RYR2: variants seen among roughly 807,000 people sequenced by gnomAD.
RYR2 encodes cardiac muscle ryanodine receptor-calcium release channel.
RYR2 carries 227 observed loss-of-function variants against 601.1 expected under a neutral mutation model. That is an observed-to-expected ratio of 0.38 (90% CI 0.34 to 0.42). The LOEUF (loss-of-function observed/expected upper bound fraction) is 0.42. Ranked by LOEUF, RYR2 falls within the 10% of genes least tolerant of loss-of-function variation. The pLI is 1.00. For synonymous variants in RYR2, 2,223 were observed against 2,175.1 expected (o/e 1.02, Z -0.61); for missense variants, 4,646 against 6,156.5 (o/e 0.75, Z 8.21).
intron 25 of RYR2, among the ~76,000 whole-genome samples, chr1:237,536,885 C>CAAAAAAAAAAAAAAAAA (rs540538447): frequency 7.2e-6 from 1 of 139,522 alleles, no homozygotes; most frequent in African/African-American, 2.7e-5. Flanking sequence ...GACTCCATCT[C>CAAAAAAAAAAAAAAAAA]AAAAAAAAAA....
rs3766872 is a variant in RYR2 at position 237,627,753 on chromosome 1, C to A, written c.6167-54C>A. Reference sequence around the variant, plus strand: ...CAGGATATGGACTTGAAATGTCCAACTGATTTGTCTTCTCTTATTTTTCTT... The same window carrying A: ...CAGGATATGGACTTGAAATGTCCAAATGATTTGTCTTCTCTTATTTTTCTT... On this transcript the variant is annotated intron_variant, in intron 40 of 104. Transcript: ENST00000366574. 2.0e-4 allele frequency: 295 copies of A among 1,491,142 alleles called. 2 individuals are homozygous for A. The East Asian group carries it at 6.8e-3, about 34-fold the overall frequency. The allele number at this position is 1,491,142 out of a possible 1,614,324, so 92.4% of individuals were successfully genotyped here. A position where few individuals can be genotyped will look rare whatever the true frequency, so the allele number is the denominator to read the frequency against.
chr1:237,300,081 C>T (rs1056662975), intron 2 of RYR2, among the ~76,000 whole-genome samples: 1 of 152,228 alleles, frequency 6.6e-6, no homozygotes, highest in East Asian at 1.9e-4. Context: ...CGAGTTTTCA[C>T]TCACTTTTTG....
intron 2 of RYR2, among the ~76,000 whole-genome samples, chr1:237,315,561 A>G (rs1211295721): frequency 6.6e-6 from 1 of 152,220 alleles, no homozygotes; most frequent in East Asian, 1.9e-4. Flanking sequence ...TTTCTGTAAT[A>G]TACTTTGAAC....
rs908405010 is a variant in RYR2 at position 237,680,646 on chromosome 1, G to A, written c.9017+69G>A. 4 of 1,258,096 alleles carry A rather than the reference G, an allele frequency of 3.2e-6. No individual in the cohort carries two copies. The African/African-American group carries it at 4.5e-5, about 14-fold the overall frequency. 77.9% of individuals were successfully genotyped at this position (1,258,096 alleles called of 1,614,324 possible). On this transcript the variant is annotated intron_variant, in intron 62 of 104. Transcript: ENST00000366574. ...ATATGCAGTTGCAAAGAAAACCTGA[G>A]GACCTTGAAGTGGGGCTGTACGGAG...
chr1:237,751,013 A>G (rs969181493), intron 80 of RYR2, among the ~76,000 whole-genome samples: 4 of 152,192 alleles, frequency 2.6e-5, no homozygotes, highest in African/African-American at 9.7e-5. Flanking sequence ...TAGAGCTTCT[A>G]TAGTTGTGAG....
At chr1:237,442,262 G>A (rs770346582) in intron 13 of RYR2, among the ~76,000 whole-genome samples, 2 of 152,056 alleles carry the variant, frequency 1.3e-5, no homozygotes, top group African/African-American at 2.4e-5. Context: ...TGATAATGAC[G>A]TTTGGTCATG....
intron 25 of RYR2, among the ~76,000 whole-genome samples, chr1:237,544,566 T>G (rs772946367): frequency 6.6e-6 from 1 of 152,190 alleles, no homozygotes; most frequent in African/African-American, 2.4e-5. Context: ...AGTGTTCAGT[T>G]TCTGGTTCAT....
intron 8 of RYR2, among the ~76,000 whole-genome samples, chr1:237,383,590 C>A (rs757596838): frequency 1.3e-5 from 2 of 151,710 alleles, no homozygotes; most frequent in South Asian, 4.2e-4. Flanking sequence ...CCACCACACC[C>A]GGATAATTTT....
intron 1 of RYR2, among the ~76,000 whole-genome samples, chr1:237,049,779 C>T (rs965083691): frequency 2.6e-5 from 4 of 152,126 alleles, no homozygotes; most frequent in African/African-American, 9.7e-5. Context: ...AGAATTCTCT[C>T]ATGTCAGTAG....
intron 14 of RYR2, among the ~76,000 whole-genome samples, chr1:237,450,435 A>G (rs1056067501): frequency 4.0e-5 from 6 of 150,636 alleles, no homozygotes; most frequent in Non-Finnish European, 5.9e-5. Context: ...GACTCACCTG[A>G]TTTGTTTCCA....
intron 35 of RYR2, among the ~76,000 whole-genome samples, chr1:237,606,214 A>T (rs1443300327): frequency 6.6e-6 from 1 of 152,200 alleles, no homozygotes; most frequent in Non-Finnish European, 1.5e-5. Flanking sequence ...TGGTACCAAA[A>T]CAGAGATACA....
At chr1:237,778,038 G>C (rs1694801455) in intron 87 of RYR2, among the ~76,000 whole-genome samples, 1 of 152,162 alleles carries the variant, frequency 6.6e-6, no homozygotes, top group Non-Finnish European at 1.5e-5. Flanking sequence ...AGGAACGCAA[G>C]ACACTGGAGC....
At chr1:237,520,507 T>A (rs2147853968) in intron 24 of RYR2, among the ~76,000 whole-genome samples, 1 of 152,338 alleles carries the variant, frequency 6.6e-6, no homozygotes, top group Non-Finnish European at 1.5e-5. Context: ...AGAGTTCTTA[T>A]TATGAAGCGA....
Position 237,043,117 on chromosome 1 carries a change from G to C in RYR2, c.48+548G>C, listed in dbSNP as rs546363441. ...CGTGTAGCGTGCGGCGCAGCTGACC[G>C]GGGGCGGGGGTGATGGTGCAGGACG... On this transcript the variant is annotated intron_variant, in intron 1 of 104. Transcript: ENST00000366574. Among the ~76,000 whole-genome samples the C allele has an allele frequency of 3.9e-4, 59 of 152,342 alleles. No homozygotes were observed. The South Asian group carries it at 4.1e-3, about 11-fold the overall frequency.
intron 41 of RYR2, among the ~76,000 whole-genome samples, chr1:237,630,694 C>T (rs1054916440): frequency 4.6e-5 from 7 of 152,230 alleles, no homozygotes; most frequent in African/African-American, 1.7e-4. Context: ...CAACAGAGCT[C>T]TTTATTTGCA....
Position 237,364,399 on chromosome 1 carries a change from G to GTA in RYR2, c.309+36_309+37dup, listed in dbSNP as rs544591292. 52 of 1,291,880 alleles carry GTA rather than the reference G, an allele frequency of 4.0e-5. No homozygotes were observed. In the African/African-American group the frequency reaches 4.2e-4, roughly 10 times the overall value. 80.0% of individuals were successfully genotyped at this position (1,291,880 alleles called of 1,614,324 possible). On this transcript the variant is annotated intron_variant, in intron 5 of 104. Transcript: ENST00000366574. ...TAAGACATCTTAATATATATGCTAT[G>GTA]TATATATATAGCAGATATATTACTA...
intron 1 of RYR2, among the ~76,000 whole-genome samples, chr1:237,043,521 C>T (rs1185572558): frequency 6.6e-6 from 1 of 152,168 alleles, no homozygotes; most frequent in Non-Finnish European, 1.5e-5. Flanking sequence ...GCAGATACTT[C>T]CCAGGCTGAG....
chr1:237,679,979 A>T (rs1475659943), intron 61 of RYR2, among the ~76,000 whole-genome samples: 1 of 152,178 alleles, frequency 6.6e-6, no homozygotes, highest in Non-Finnish European at 1.5e-5. Flanking sequence ...GGTTAAAAGA[A>T]TATTGTGTAG....
chr1:237,296,459 T>C (rs1437138727), intron 2 of RYR2, among the ~76,000 whole-genome samples: 1 of 152,106 alleles, frequency 6.6e-6, no homozygotes, highest in Admixed American at 6.6e-5. Flanking sequence ...TCAGATTGGA[T>C]TTAAGAGGTA....
Sources: gnomAD v4.1 joint callset for allele counts (sites outside exome capture counted in the v4.1 genomes callset) on GRCh38, gnomAD v4.1.1 for gene constraint, MANE v1.5 for transcripts, NCBI Gene and HGNC (gene_info 2026-07-23, HGNC 2026-07-21) for gene names.